GLIS3: variants seen among roughly 807,000 people sequenced by gnomAD.
The protein encoded by GLIS3 is GLIS family zinc finger 3, also known as zinc finger protein GLIS3.
A neutral mutation model predicts 78.6 loss-of-function variants in GLIS3; 53 were observed. The observed-to-expected ratio is 0.67, with a 90% CI of 0.54 to 0.85. The LOEUF is 0.85. Among genes scored for constraint, GLIS3 ranks in the 40% least tolerant of loss-of-function variants. GLIS3 has a pLI of 0.00. For missense variants in GLIS3, 1,703 were observed against 1,231.1 expected (o/e 1.38, Z -5.74); for synonymous variants, 684 against 509.9 (o/e 1.34, Z -4.60).
At chr9:4,411,860 A>G in the GLIS3 span, among the ~76,000 whole-genome samples, 2 of 152,254 alleles carry the variant, frequency 1.3e-5, no homozygotes, top group African/African-American at 4.8e-5. Flanking sequence ...GAGAAAGCTA[A>G]TAAAATAATT....
intron 4 of GLIS3, among the ~76,000 whole-genome samples, chr9:4,092,024 G>T (rs186496722): frequency 2.0e-5 from 3 of 152,090 alleles, no homozygotes; most frequent in Non-Finnish European, 4.4e-5. Flanking sequence ...GCTGAGAAAC[G>T]TGAGACCCTA....
intron 4 of GLIS3, among the ~76,000 whole-genome samples, chr9:3,962,825 G>A (rs190367123): frequency 1.3e-5 from 2 of 152,182 alleles, no homozygotes; most frequent in African/African-American, 2.4e-5. Context: ...ACTTTCAGGA[G>A]GAGTAAGCTA....
At chr9:4,390,142 T>A in the GLIS3 span, among the ~76,000 whole-genome samples, 1 of 152,250 alleles carries the variant, frequency 6.6e-6, no homozygotes, top group African/African-American at 2.4e-5. Context: ...TGAAAGATCA[T>A]GACATGTTTG....
intron 2 of GLIS3, among the ~76,000 whole-genome samples, chr9:4,231,533 C>A (rs1351718601): frequency 6.6e-6 from 1 of 151,998 alleles, no homozygotes; most frequent in Admixed American, 6.6e-5. Context: ...AAAGCATGAG[C>A]AGGAGAAAGA....
chr9:4,379,675 G>GTA, the GLIS3 span, among the ~76,000 whole-genome samples: 11 of 152,282 alleles, frequency 7.2e-5, no homozygotes, highest in Admixed American at 5.2e-4. Context: ...TCACTTCAGT[G>GTA]TACACCATCC....
chr9:4,213,881 G>C (rs1012369683), intron 2 of GLIS3, among the ~76,000 whole-genome samples: 1 of 150,042 alleles, frequency 6.7e-6, no homozygotes, highest in Non-Finnish European at 1.5e-5. Context: ...TCCTGCTTTT[G>C]TGGAGGTTAT....
chr9:4,205,924 G>A (rs1563753842), intron 2 of GLIS3, among the ~76,000 whole-genome samples: 1 of 152,212 alleles, frequency 6.6e-6, no homozygotes, highest in Non-Finnish European at 1.5e-5. Flanking sequence ...CAAAGGATCA[G>A]GTGTGGTCAA....
At chr9:3,838,277 A>AGG (rs781732744) in intron 9 of GLIS3, among the ~76,000 whole-genome samples, 21 of 152,192 alleles carry the variant, frequency 1.4e-4, no homozygotes, top group Non-Finnish European at 2.6e-4. Context: ...TTTAATAAGA[A>AGG]TTAAAATACA....
intron 4 of GLIS3, among the ~76,000 whole-genome samples, chr9:4,086,072 C>T (rs1416015587): frequency 6.6e-6 from 1 of 152,210 alleles, no homozygotes; most frequent in Admixed American, 6.5e-5. Flanking sequence ...CACGAGTTGT[C>T]CAAACTTCAC....
At chr9:4,474,798 G>C in the GLIS3 span, among the ~76,000 whole-genome samples, 37 of 150,206 alleles carry the variant, frequency 2.5e-4, no homozygotes, top group African/African-American at 9.1e-4. Context: ...CCAGTCTCAA[G>C]TGATCCTCCC....
chr9:3,964,355 C>A (rs1278669285), intron 4 of GLIS3, among the ~76,000 whole-genome samples: 2 of 152,126 alleles, frequency 1.3e-5, no homozygotes, highest in Non-Finnish European at 2.9e-5. Context: ...ACTGGGCGTA[C>A]AAAACACACT....
chr9:3,825,744 C>T lies in GLIS3; in HGVS notation c.*2528G>A, dbSNP rs1817691499. ...AGCATAGTGTGTGTAGTCTGGAAGGCATCTGAACGTGTCCTATCCTGAGGC... is the reference window on the plus strand; with the variant it reads ...AGCATAGTGTGTGTAGTCTGGAAGGTATCTGAACGTGTCCTATCCTGAGGC... On this transcript the variant is annotated 3_prime_UTR_variant, in exon 11 of 11. Coordinates refer to ENST00000381971, the MANE Select transcript of GLIS3 (RefSeq NM_001042413.2). The T allele has an allele frequency of 6.6e-6, 1 of 152,168 alleles. No homozygotes were observed. The highest frequency in any genetic ancestry group is 1.5e-5 in the Non-Finnish European group (1 of 68,038). 9.4% of individuals were successfully genotyped at this position (152,168 alleles called of 1,614,324 possible).
chr9:4,105,138 T>G (rs961242248), intron 4 of GLIS3, among the ~76,000 whole-genome samples: 2 of 152,226 alleles, frequency 1.3e-5, no homozygotes, highest in East Asian at 3.8e-4. Context: ...TCCTTTCCTC[T>G]TTTAAATTTC....
chr9:4,003,878 A>T (rs527367751), intron 4 of GLIS3, among the ~76,000 whole-genome samples: 6 of 152,172 alleles, frequency 3.9e-5, no homozygotes, highest in African/African-American at 1.4e-4. Context: ...GAGATTTGAG[A>T]TTTGTTAAAT....
In GLIS3 at chr9:4,186,400, G is replaced by C. The variant is rs564668417; in HGVS notation, c.389-60459C>G. On this transcript the variant is annotated intron_variant, in intron 2 of 10. Transcript: ENST00000381971. Reference sequence around the variant, plus strand: ...CATTTTCTTAATCCAGTCTATCATTGTTGGACATTTGGGTTGGTTGCAAGT... The same window carrying C: ...CATTTTCTTAATCCAGTCTATCATTCTTGGACATTTGGGTTGGTTGCAAGT... Among the ~76,000 whole-genome samples the C allele has an allele frequency of 5.9e-5, 9 of 151,952 alleles. No individual in the cohort carries two copies. In the South Asian group the frequency reaches 1.0e-3, roughly 18 times the overall value.
chr9:4,473,044 C>T, the GLIS3 span, among the ~76,000 whole-genome samples: 1 of 152,142 alleles, frequency 6.6e-6, no homozygotes, highest in Non-Finnish European at 1.5e-5. Context: ...CACTGCTTTC[C>T]ACAATGGTTG....
At chr9:4,267,832 C>G (rs1045136736) in intron 2 of GLIS3, among the ~76,000 whole-genome samples, 21 of 152,172 alleles carry the variant, frequency 1.4e-4, no homozygotes, top group African/African-American at 4.6e-4. Flanking sequence ...AAGCCTCATT[C>G]TCCTAATTCC....
At chr9:4,370,606 G>A in the GLIS3 span, among the ~76,000 whole-genome samples, 6 of 151,838 alleles carry the variant, frequency 4.0e-5, no homozygotes, top group African/African-American at 9.7e-5. Flanking sequence ...ACAGAAGAAC[G>A]GAAGCTGCAT....
intron 4 of GLIS3, among the ~76,000 whole-genome samples, chr9:4,053,180 C>T (rs1480617095): frequency 1.3e-5 from 2 of 152,142 alleles, no homozygotes; most frequent in Non-Finnish European, 2.9e-5. Flanking sequence ...AACTCTTGGC[C>T]TCCAGCAATC....
Sources: allele counts gnomAD v4.1 joint callset (sites outside exome capture counted in the v4.1 genomes callset), GRCh38; gene constraint gnomAD v4.1.1; transcripts MANE v1.5; gene names NCBI Gene and HGNC (gene_info 2026-07-23, HGNC 2026-07-21).